The following OR9Q1 variants were observed in gnomAD, a reference collection of about 807,000 sequenced individuals.
OR9Q1 encodes the protein olfactory receptor family 9 subfamily Q member 1.
For synonymous variants in OR9Q1, 153 were observed against 148.6 expected, an observed-to-expected ratio of 1.03 and a Z score of -0.22; for missense variants, 374 against 378.8, an observed-to-expected ratio of 0.99 and a Z score of 0.11.
At chr11:58,097,867 T>C (rs1011039789) in intron 2 of OR9Q1, among the ~76,000 whole-genome samples, 2 of 152,222 alleles carry the variant, frequency 1.3e-5, no homozygotes, top group East Asian at 1.9e-4. Flanking sequence ...TTAATACTTT[T>C]GATTCAATTT....
intron 2 of OR9Q1, among the ~76,000 whole-genome samples, chr11:58,107,560 C>T (rs1394162716): frequency 3.9e-5 from 6 of 152,042 alleles, no homozygotes; most frequent in African/African-American, 4.8e-5. Flanking sequence ...TGAATAGTGC[C>T]GTAATAAACT....
intron 2 of OR9Q1, among the ~76,000 whole-genome samples, chr11:58,173,571 A>G (rs1854576404): frequency 1.3e-5 from 2 of 151,778 alleles, no homozygotes; most frequent in Admixed American, 1.3e-4. Flanking sequence ...AGTCTTTGCT[A>G]TTGTGAATAG....
intron 2 of OR9Q1, among the ~76,000 whole-genome samples, chr11:58,152,803 CT>C (rs572534222): frequency 4.0e-5 from 6 of 151,832 alleles, no homozygotes; most frequent in African/African-American, 1.2e-4. Context: ...AATTATTTAC[CT>C]TTTTTTTAGA....
chr11:58,054,007 G>A (rs1853302312), intron 1 of OR9Q1, among the ~76,000 whole-genome samples: 1 of 152,086 alleles, frequency 6.6e-6, no homozygotes, highest in Non-Finnish European at 1.5e-5. Context: ...CCACACAAAT[G>A]GTGACTATGG....
chr11:58,106,290 T>C (rs1853839619), intron 2 of OR9Q1, among the ~76,000 whole-genome samples: 1 of 152,002 alleles, frequency 6.6e-6, no homozygotes, highest in South Asian at 2.1e-4. Context: ...TGTTTGTAGG[T>C]CTTCTTTGTA....
chr11:58,038,763 C>T (rs1306366448), intron 1 of OR9Q1, among the ~76,000 whole-genome samples: 6 of 152,198 alleles, frequency 3.9e-5, no homozygotes, highest in Non-Finnish European at 5.9e-5. Flanking sequence ...TCTGGTCTCT[C>T]TTTTATGGCT....
At chr11:58,048,695 T>TATATATATATATATATA (rs1403452829) in intron 1 of OR9Q1, among the ~76,000 whole-genome samples, 5 of 141,340 alleles carry the variant, frequency 3.5e-5, no homozygotes, top group African/African-American at 1.0e-4. Context: ...TATATATATA[T>TATATATATATATATATA]TTTTTAGCAA....
At chr11:58,124,036 T>C (rs1854063599) in intron 2 of OR9Q1, among the ~76,000 whole-genome samples, 1 of 152,212 alleles carries the variant, frequency 6.6e-6, no homozygotes, top group Non-Finnish European at 1.5e-5. Context: ...TGGATGTTTA[T>C]CTAATATGGT....
intron 2 of OR9Q1, among the ~76,000 whole-genome samples, chr11:58,136,077 C>G (rs538139177): frequency 6.6e-6 from 1 of 152,098 alleles, no homozygotes; most frequent in African/African-American, 2.4e-5. Flanking sequence ...TTTTGGGGAG[C>G]ATTAATAATT....
intron 2 of OR9Q1, among the ~76,000 whole-genome samples, chr11:58,085,398 G>A (rs922402265): frequency 6.6e-6 from 1 of 151,428 alleles, no homozygotes; most frequent in Non-Finnish European, 1.5e-5. Flanking sequence ...TTTGTTTTTT[G>A]ATGGTAAAAA....
At chr11:58,108,557 G>C (rs569184544) in intron 2 of OR9Q1, among the ~76,000 whole-genome samples, 18 of 152,222 alleles carry the variant, frequency 1.2e-4, no homozygotes, top group African/African-American at 4.1e-4. Context: ...CATGAAACTT[G>C]CATTTTCCTC....
intron 2 of OR9Q1, among the ~76,000 whole-genome samples, chr11:58,160,498 C>T (rs1854447088): frequency 6.6e-6 from 1 of 151,974 alleles, no homozygotes; most frequent in South Asian, 2.1e-4. Flanking sequence ...CTTGCTCTGT[C>T]ACCCAGGCTG....
At chr11:58,089,077 C>T (rs898041910) in intron 2 of OR9Q1, among the ~76,000 whole-genome samples, 1 of 151,618 alleles carries the variant, frequency 6.6e-6, no homozygotes, top group Non-Finnish European at 1.5e-5. Context: ...GGGGTTTCAT[C>T]ATGTTGGCCA....
chr11:58,121,810 C>T (rs1854035263), intron 2 of OR9Q1, among the ~76,000 whole-genome samples: 1 of 152,140 alleles, frequency 6.6e-6, no homozygotes, highest in East Asian at 1.9e-4. Context: ...AAAAACTCAT[C>T]ATAATACCTC....
intron 2 of OR9Q1, among the ~76,000 whole-genome samples, chr11:58,092,489 G>T (rs750301927): frequency 6.6e-6 from 1 of 151,822 alleles, no homozygotes; most frequent in Non-Finnish European, 1.5e-5. Context: ...AAAAATGATT[G>T]TTGCTATCAA....
intron 2 of OR9Q1, among the ~76,000 whole-genome samples, chr11:58,071,658 C>G (rs936800894): frequency 8.5e-5 from 13 of 152,124 alleles, no homozygotes; most frequent in Non-Finnish European, 1.2e-4. Context: ...ATGAGCCTCA[C>G]AACAACATAC....
intron 2 of OR9Q1, chr11:58,060,112 G>C (rs1240589762): frequency 6.6e-6 from 1 of 152,292 alleles, no homozygotes; most frequent in Non-Finnish European, 1.5e-5. Context: ...TGGGTGGGCA[G>C]TGGCTGCCTT....
intron 1 of OR9Q1, among the ~76,000 whole-genome samples, chr11:58,037,342 G>A (rs1313018656): frequency 6.6e-6 from 1 of 151,990 alleles, no homozygotes; most frequent in Non-Finnish European, 1.5e-5. Flanking sequence ...TTGTGTGAGA[G>A]CTTGCTTTAT....
At chr11:58,059,336 A>T (rs1158673450) in intron 2 of OR9Q1, among the ~76,000 whole-genome samples, 1 of 152,212 alleles carries the variant, frequency 6.6e-6, no homozygotes, top group African/African-American at 2.4e-5. Context: ...TGTTAATAGA[A>T]TAAAAACAAG....
Sources: gnomAD v4.1 joint callset for allele counts (sites outside exome capture counted in the v4.1 genomes callset) on GRCh38, gnomAD v4.1.1 for gene constraint, MANE v1.5 for transcripts, NCBI Gene and HGNC (gene_info 2026-07-23, HGNC 2026-07-21) for gene names.